ABHD2: variants seen among roughly 807,000 people sequenced by gnomAD.
ABHD2 encodes monoacylglycerol lipase ABHD2.
In ABHD2, 20 loss-of-function variants were observed where a neutral mutation model predicts 48.1. That is an observed-to-expected ratio of 0.42 (90% CI 0.29 to 0.60). The LOEUF is 0.60. ABHD2 is among the 20% of genes least tolerant of loss of function. The pLI is 0.24. For synonymous variants in ABHD2, 209 were observed against 214.2 expected (o/e 0.98, Z 0.21); for missense variants, 405 against 550.9 (o/e 0.74, Z 2.65).
intron 6 of ABHD2, among the ~76,000 whole-genome samples, chr15:89,178,385 G>A (rs1460174861): frequency 1.3e-5 from 2 of 152,220 alleles, no homozygotes; most frequent in Non-Finnish European, 2.9e-5. Context: ...GCACTGGGAT[G>A]GTGGCAGCTG....
At chr15:89,089,235 G>A (rs1363705455) in intron 1 of ABHD2, among the ~76,000 whole-genome samples, 1 of 152,212 alleles carries the variant, frequency 6.6e-6, no homozygotes, top group Non-Finnish European at 1.5e-5. Flanking sequence ...CACCTGTGTC[G>A]GATGCTTAGG....
At chr15:89,115,682 C>T (rs970696160) in intron 2 of ABHD2, among the ~76,000 whole-genome samples, 1 of 152,176 alleles carries the variant, frequency 6.6e-6, no homozygotes, top group Non-Finnish European at 1.5e-5. Context: ...TCGCTGCGAC[C>T]TGGGCTGAGT....
the ABHD2 span, among the ~76,000 whole-genome samples, chr15:89,047,000 T>G: frequency 6.6e-6 from 1 of 151,990 alleles, no homozygotes; most frequent in Non-Finnish European, 1.5e-5. Flanking sequence ...GGGTTTCAAT[T>G]TTGGATCTTT....
chr15:89,123,938 C>T (rs896158312), intron 3 of ABHD2, among the ~76,000 whole-genome samples: 3 of 152,132 alleles, frequency 2.0e-5, no homozygotes, highest in Admixed American at 2.0e-4. Flanking sequence ...CAGAGCAAAT[C>T]TACTTTTGAT....
chr15:89,057,848 G>T, the ABHD2 span, among the ~76,000 whole-genome samples: 1 of 151,806 alleles, frequency 6.6e-6, no homozygotes, highest in Non-Finnish European at 1.5e-5. Flanking sequence ...CTAAGAAAAC[G>T]AAGATAGATT....
At chr15:89,109,357 C>T (rs1443606759) in intron 1 of ABHD2, among the ~76,000 whole-genome samples, 2 of 152,180 alleles carry the variant, frequency 1.3e-5, no homozygotes, top group South Asian at 4.1e-4. Context: ...ATTTACAGCA[C>T]CTAAATCCCA....
At chr15:89,103,308 A>G (rs2049730244) in intron 1 of ABHD2, among the ~76,000 whole-genome samples, 1 of 152,166 alleles carries the variant, frequency 6.6e-6, no homozygotes, top group Non-Finnish European at 1.5e-5. Context: ...TACGAACCTT[A>G]TCTTGAGGAT....
Position 89,189,966 on chromosome 15 carries a change from G to A in ABHD2, c.927-1114G>A, listed in dbSNP as rs2051276700. Among the ~76,000 whole-genome samples, 1 of 152,106 alleles carries A rather than the reference G, an allele frequency of 6.6e-6. No homozygotes were observed. The highest frequency in any genetic ancestry group is 2.4e-5 in the African/African-American group (1 of 41,404). On this transcript the variant is annotated intron_variant, in intron 8 of 10. Coordinates refer to ENST00000352732, the MANE Select transcript of ABHD2 (RefSeq NM_152924.5). This position sits in a 1 kb window ranked among gnomAD's most constrained non-coding sequence, Gnocchi z 4.9. ...CCATCCCAGTAATACTGGAGGGATGGAACAATGCATTTCCTGCCTGCTGAG... is the reference window on the plus strand; with the variant it reads ...CCATCCCAGTAATACTGGAGGGATGAAACAATGCATTTCCTGCCTGCTGAG...
chr15:89,181,704 C>T (rs1282009216), intron 6 of ABHD2, among the ~76,000 whole-genome samples: 1 of 152,232 alleles, frequency 6.6e-6, no homozygotes, highest in Non-Finnish European at 1.5e-5. Flanking sequence ...TAGATGCATT[C>T]TTTCCCCAGT....
rs192428494 is a variant in ABHD2 at position 89,157,965 on chromosome 15, A to T, written c.538+2431A>T. ...CCAAAAGTCAGAAATAGGCCAAATC[A>T]AACACAAAGAAAACAATGGGGAATA... is the stretch of plus-strand genomic sequence containing the variant. On this transcript the variant is annotated intron_variant, in intron 5 of 10. Transcript: ENST00000352732. 5.6e-4 allele frequency among the ~76,000 whole-genome samples: 85 copies of T among 152,224 alleles called. 1 individual carries two copies. The East Asian group carries it at 0.014, about 26-fold the overall frequency.
intron 1 of ABHD2, among the ~76,000 whole-genome samples, chr15:89,112,393 A>T (rs1339494385): frequency 1.3e-5 from 2 of 152,160 alleles, no homozygotes; most frequent in Middle Eastern, 3.2e-3. Flanking sequence ...AGGATCTTTG[A>T]TCTGGTCCAT....
chr15:89,051,588 T>C, the ABHD2 span, among the ~76,000 whole-genome samples: 1 of 152,170 alleles, frequency 6.6e-6, no homozygotes, highest in Non-Finnish European at 1.5e-5. Flanking sequence ...CCACATGTCA[T>C]GGGAGGGACC....
intron 3 of ABHD2, among the ~76,000 whole-genome samples, chr15:89,132,066 A>T (rs1276361827): frequency 6.6e-6 from 1 of 152,230 alleles, no homozygotes; most frequent in African/African-American, 2.4e-5. Flanking sequence ...AAATTCAAGA[A>T]AGATGAAAAC....
chr15:89,070,829 G>A, the ABHD2 span, among the ~76,000 whole-genome samples: 1 of 152,108 alleles, frequency 6.6e-6, no homozygotes. Context: ...CCTGGGGATA[G>A]GGAATATTTC....
Position 89,188,278 on chromosome 15 carries a change from A to G in ABHD2, c.901A>G (p.Met301Val), listed in dbSNP as rs1320986976. ...LSRLYTATSL[M>V]QIDDNVMRKF... ...CCGGCTCTACACAGCAACATCCCTG[A>G]TGCAGATTGATGACAATGTGATGAG... Residue 301 changes from methionine (M) to valine (V), a missense_variant, in exon 8 of 11, where the codon ATG (methionine) becomes GTG (valine). By Grantham distance (21) the Met-to-Val change is conservative (BLOSUM62 1). Transcript: ENST00000352732. This position sits in a 1 kb window ranked among gnomAD's most constrained non-coding sequence, Gnocchi z 4.1. The G allele has an allele frequency of 6.2e-7, 1 of 1,614,210 alleles. No individual in the cohort carries two copies. Among genetic ancestry groups the G allele is most frequent in the Non-Finnish European group, 8.5e-7 (1 of 1,180,028 alleles).
Position 89,114,198 on chromosome 15 carries a change from G to A in ABHD2, c.-7+374G>A, listed in dbSNP as rs182702474. 1.6e-4 allele frequency among the ~76,000 whole-genome samples: 25 copies of A among 152,304 alleles called. No individual in the cohort carries two copies. The highest frequency in any genetic ancestry group is 1.6e-3 in the Admixed American group (25 of 15,298). On this transcript the variant is annotated intron_variant, in intron 2 of 10. Coordinates refer to ENST00000352732, the MANE Select transcript of ABHD2 (RefSeq NM_152924.5). The surrounding 1 kb of genome is among the most constrained non-coding windows in gnomAD (Gnocchi z 4.2). ...GACAAGGTGAGGAATGGCAGCCACA[G>A]GTTAAACCTATTGGGCATCTTAGTG...
In ABHD2 at chr15:89,172,939, G is replaced by A. The variant is rs1032035217; in HGVS notation, c.539-2873G>A. Among the ~76,000 whole-genome samples the A allele has an allele frequency of 2.8e-4, 42 of 152,160 alleles. 1 individual carries two copies. The highest frequency in any genetic ancestry group is 1.3e-4 in the Admixed American group (2 of 15,284). Reference sequence around the variant, plus strand: ...GAAGCTGAAGATTTTCCCTGTATACGGGGGTTACTTGTCATCAAAGAGAAA... The same window carrying A: ...GAAGCTGAAGATTTTCCCTGTATACAGGGGTTACTTGTCATCAAAGAGAAA... On this transcript the variant is annotated intron_variant, in intron 5 of 10. Coordinates refer to ENST00000352732, the MANE Select transcript of ABHD2 (RefSeq NM_152924.5).
At chr15:89,070,643 T>C in the ABHD2 span, among the ~76,000 whole-genome samples, 2 of 152,118 alleles carry the variant, frequency 1.3e-5, no homozygotes, top group African/African-American at 4.8e-5. Flanking sequence ...TAACATTATT[T>C]AGAAAGGAAA....
At chr15:89,160,003 A>G (rs1238321281) in intron 5 of ABHD2, among the ~76,000 whole-genome samples, 1 of 152,238 alleles carries the variant, frequency 6.6e-6, no homozygotes, top group Non-Finnish European at 1.5e-5. Context: ...AAAGGTCAGA[A>G]ATCCAGAATT....
Sources: allele counts gnomAD v4.1 joint callset (sites outside exome capture counted in the v4.1 genomes callset), GRCh38; gene constraint gnomAD v4.1.1; non-coding constraint Gnocchi (gnomAD v3.1); transcripts MANE v1.5; gene names NCBI Gene and HGNC (gene_info 2026-07-23, HGNC 2026-07-21).